MRPL58: variants seen among roughly 807,000 people sequenced by gnomAD.
MRPL58 encodes the protein large ribosomal subunit protein mL62.
MRPL58 carries 17 observed loss-of-function variants against 26.0 expected under a neutral mutation model. That is an observed-to-expected ratio of 0.65 (90% confidence interval 0.45 to 0.98). The LOEUF is 0.98. MRPL58 is among the 50% of genes least tolerant of loss of function. The pLI, the probability that MRPL58 is intolerant of heterozygous loss-of-function variation, is 0.00. For missense variants in MRPL58, 250 were observed against 269.0 expected (o/e 0.93, Z 0.49); for synonymous variants, 100 against 99.7 (o/e 1.00, Z -0.02).
chr17:75,013,130 C>G (rs1413486157), intron 1 of MRPL58, among the ~76,000 whole-genome samples: 1 of 152,214 alleles, frequency 6.6e-6, no homozygotes, highest in East Asian at 1.9e-4. Context: ...GTCCTTGGCC[C>G]TCAAGACCAA....
chr17:75,017,536 G>A (rs1213408914), intron 2 of MRPL58, among the ~76,000 whole-genome samples: 1 of 152,158 alleles, frequency 6.6e-6, no homozygotes, highest in Non-Finnish European at 1.5e-5. Flanking sequence ...ATCATCCGAG[G>A]TCAGGAGTTC....
intron 2 of MRPL58, among the ~76,000 whole-genome samples, chr17:75,018,352 C>T (rs2039989010): frequency 6.6e-6 from 1 of 152,056 alleles, no homozygotes; most frequent in African/African-American, 2.4e-5. Flanking sequence ...CTGCCTCAGC[C>T]TCCCGAGTAG....
intron 3 of MRPL58, among the ~76,000 whole-genome samples, chr17:75,019,961 G>C (rs554633382): frequency 1.3e-5 from 2 of 152,068 alleles, no homozygotes; most frequent in African/African-American, 2.4e-5. Context: ...GACTAGGATC[G>C]GCTTGTGAGT....
At chr17:75,020,806 G>T in intron 5 of MRPL58, 115 bp from the exon 6 acceptor site, 1 of 1,187,816 alleles carries the variant, frequency 8.4e-7, no homozygotes, top group South Asian at 1.3e-5. Context: ...GAGGCCTGCG[G>T]GCTAGTGCCT....
chr17:75,014,980 C>T (rs2039962882), intron 1 of MRPL58, among the ~76,000 whole-genome samples: 1 of 152,122 alleles, frequency 6.6e-6, no homozygotes, highest in Admixed American at 6.5e-5. Flanking sequence ...GGGAAAATAT[C>T]AGGTAGTGAG....
chr17:75,020,278 A>G (rs751443909), intron 3 of MRPL58, 35 bp from the exon 4 acceptor site: 9 of 1,556,220 alleles, frequency 5.8e-6, no homozygotes, highest in South Asian at 1.1e-5. Flanking sequence ...TGGAAGTCTC[A>G]GGCACCCATG....
At chr17:75,014,441 C>CT (rs35929744) in intron 1 of MRPL58, among the ~76,000 whole-genome samples, 4,084 of 76,168 alleles carry the variant, frequency 0.054, 281 homozygotes, top group Non-Finnish European at 0.072. Flanking sequence ...CCGCGCCAGG[C>CT]TTTTTTTTTT....
rs200123184 is a variant in MRPL58 at position 75,017,285 on chromosome 17, C to CT, written c.223+172dup. 9.3e-3 allele frequency among the ~76,000 whole-genome samples: 1,388 copies of CT among 149,560 alleles called. 17 individuals are homozygous for CT. The highest frequency in any genetic ancestry group is 0.032 in the African/African-American group (1,320 of 40,628). On this transcript the variant is annotated intron_variant, in intron 2 of 5. Coordinates refer to ENST00000301585, the MANE Select transcript of MRPL58 (RefSeq NM_001545.3). Reference sequence around the variant, plus strand: ...CAGCCTGGGCAACGAGAGCAAAACTCTATCTGGAAAAAATTAAAAATTAAA... The same window carrying CT: ...CAGCCTGGGCAACGAGAGCAAAACTCTTATCTGGAAAAAATTAAAAATTAAA...
chr17:75,020,847 C>T, intron 5 of MRPL58, 74 bp from the exon 6 acceptor site: 2 of 1,326,644 alleles, frequency 1.5e-6, no homozygotes, highest in Non-Finnish European at 2.2e-6. Context: ...TCCCGTTGAG[C>T]TCCCAACTCC....
At position 75,017,085 on chromosome 17, in the gene MRPL58, C is replaced by T. The variant is rs1269864347; in HGVS notation, c.194C>T (p.Ala65Val). The T allele has an allele frequency of 1.2e-6, 2 of 1,612,518 alleles. No individual in the cohort carries two copies. Among genetic ancestry groups the T allele is most frequent in the East Asian group, 2.2e-5 (1 of 44,880 alleles). ...SDTAWRVPNG[A>V]KQADSDIPLD... ...GTGTACATTACATTACAGAATGGTG[C>T]AAAGCAAGCCGACAGTGACATCCCT... is the stretch of plus-strand genomic sequence containing the variant. Residue 65 changes from alanine (A) to valine (V), a missense_variant, in exon 2 of 6, where the codon GCA becomes GTA. Coordinates refer to ENST00000301585, the MANE Select transcript of MRPL58 (RefSeq NM_001545.3).
chr17:75,020,136 C>T, intron 3 of MRPL58, 177 bp from the exon 4 acceptor site: 1 of 578,460 alleles, frequency 1.7e-6, no homozygotes, highest in Non-Finnish European at 3.1e-6. Flanking sequence ...TCTATTTTTG[C>T]CCAAAAGTGC....
At chr17:75,019,511 G>C (rs1404703797) in intron 2 of MRPL58, among the ~76,000 whole-genome samples, 189 bp from the exon 3 acceptor site, 1 of 152,210 alleles carries the variant, frequency 6.6e-6, no homozygotes, top group Non-Finnish European at 1.5e-5. Flanking sequence ...GTCCCAAGAT[G>C]AGTCACTACT....
intron 2 of MRPL58, among the ~76,000 whole-genome samples, chr17:75,019,044 C>T (rs1432579222): frequency 1.3e-5 from 2 of 151,660 alleles, no homozygotes; most frequent in African/African-American, 2.4e-5. Flanking sequence ...CCGGGATGTT[C>T]GCTTCAGCCT....
chr17:75,020,055 C>T (rs1475603132), intron 3 of MRPL58, among the ~76,000 whole-genome samples: 1 of 137,616 alleles, frequency 7.3e-6, no homozygotes, highest in Non-Finnish European at 1.5e-5. Context: ...CCATTCCCTC[C>T]ATTTTTTTTT....
At position 75,021,170 on chromosome 17, in the gene MRPL58, C is replaced by G; in HGVS notation, c.*165C>G. ...GTTCATTTGGAATGAAGGCTGCAGG[C>G]ACTGGTTGCAGACGTCTTTATAGGC... On this transcript the variant is annotated 3_prime_UTR_variant, in exon 6 of 6. Coordinates refer to ENST00000301585, the MANE Select transcript of MRPL58 (RefSeq NM_001545.3). 1.6e-6 allele frequency: 1 copy of G among 609,374 alleles called. No homozygotes were observed. The highest frequency in any genetic ancestry group is 3.0e-6 in the Non-Finnish European group (1 of 335,154). 37.7% of individuals were successfully genotyped at this position (609,374 alleles called of 1,614,324 possible).
At chr17:75,015,472 A>T (rs12952277) in intron 1 of MRPL58, among the ~76,000 whole-genome samples, 2,480 of 152,290 alleles carry the variant, frequency 0.016, 33 homozygotes, top group Non-Finnish European at 0.027. Context: ...CGACAACCTT[A>T]AGACTCCATC....
chr17:75,020,251 C>T (rs1333520644), intron 3 of MRPL58, 62 bp from the exon 4 acceptor site: 1 of 1,302,506 alleles, frequency 7.7e-7, no homozygotes, highest in African/African-American at 1.5e-5. Flanking sequence ...ACTGGTCACC[C>T]AGGGGTTGAT....
intron 1 of MRPL58, among the ~76,000 whole-genome samples, chr17:75,014,773 G>T (rs1030221935): frequency 3.9e-5 from 6 of 152,192 alleles, no homozygotes; most frequent in African/African-American, 1.4e-4. Flanking sequence ...GCAGTGAAAG[G>T]ATTGAGTTGC....
In MRPL58 at chr17:75,012,924, A is replaced by G. The variant is rs759181517; in HGVS notation, c.186+52A>G. ...GGGCGTTTTGTCAGGCTGCTGGGTG[A>G]CGTTAGGAACCCCAGGCCCATTGGC... On this transcript the variant is annotated intron_variant, in intron 1 of 5. Coordinates refer to ENST00000301585, the MANE Select transcript of MRPL58 (RefSeq NM_001545.3). 4.6e-6 allele frequency: 7 copies of G among 1,511,188 alleles called. No homozygotes were observed. The Admixed American group carries it at 7.8e-5, about 17-fold the overall frequency. The allele number at this position is 1,511,188 out of a possible 1,614,324, so 93.6% of individuals were successfully genotyped here.
Sources: gnomAD v4.1 joint callset for allele counts (sites outside exome capture counted in the v4.1 genomes callset) on GRCh38, gnomAD v4.1.1 for gene constraint, MANE v1.5 for transcripts, NCBI Gene and HGNC (gene_info 2026-07-23, HGNC 2026-07-21) for gene names.